SSPN: variants seen among roughly 807,000 people sequenced by gnomAD.
The protein encoded by SSPN is sarcospan.
Under a neutral mutation model 19.1 loss-of-function variants are expected in SSPN, and 15 were observed. That is an observed-to-expected ratio of 0.78 (90% CI 0.52 to 1.21). The LOEUF (loss-of-function observed/expected upper bound fraction) is 1.21, where lower values mean the gene tolerates loss of function less well. Among genes scored for constraint, SSPN ranks in the 50% most tolerant of loss-of-function variants. SSPN has a pLI of 0.00. For missense variants in SSPN, 291 were observed against 314.0 expected (o/e 0.93, Z 0.55); for synonymous variants, 147 against 140.3 (o/e 1.05, Z -0.34).
chr12:26,148,923 C>T (rs577240034), intron 1 of SSPN, among the ~76,000 whole-genome samples: 9 of 152,170 alleles, frequency 5.9e-5, no homozygotes, highest in African/African-American at 9.7e-5. Flanking sequence ...AACCTCCCCA[C>T]GGCACACACA....
At chr12:26,167,090 A>T (rs1366781004) in intron 1 of SSPN, among the ~76,000 whole-genome samples, 1 of 152,218 alleles carries the variant, frequency 6.6e-6, no homozygotes, top group Non-Finnish European at 1.5e-5. Context: ...TGGAAAAATA[A>T]ATCAGAGCAC....
In SSPN at chr12:26,231,508, C is replaced by G. The variant is rs1290922049; in HGVS notation, c.*432C>G. Reference sequence around the variant, plus strand: ...TCTAGTCCTTCCCACCTCCAGTCATCAGCCCCACTCTGTCTTGGAGACAGG... The same window carrying G: ...TCTAGTCCTTCCCACCTCCAGTCATGAGCCCCACTCTGTCTTGGAGACAGG... On this transcript the variant is annotated 3_prime_UTR_variant, in exon 3 of 3. Transcript: ENST00000242729. 1.2e-5 allele frequency: 2 copies of G among 165,000 alleles called. No homozygotes were observed. Among genetic ancestry groups the G allele is most frequent in the Non-Finnish European group, 2.6e-5 (2 of 76,770 alleles). 10.2% of individuals were successfully genotyped at this position (165,000 alleles called of 1,614,324 possible). A position where few individuals can be genotyped will look rare whatever the true frequency, so the allele number is the denominator to read the frequency against.
At chr12:26,198,571 T>C (rs950237248) in intron 1 of SSPN, among the ~76,000 whole-genome samples, 1 of 152,204 alleles carries the variant, frequency 6.6e-6, no homozygotes, top group Non-Finnish European at 1.5e-5. Flanking sequence ...TCACAGGCAG[T>C]GTCACTCTTC....
intron 1 of SSPN, among the ~76,000 whole-genome samples, chr12:26,207,962 C>T (rs561809072): frequency 1.3e-4 from 19 of 150,704 alleles, no homozygotes; most frequent in Admixed American, 6.6e-4. Context: ...ATCGCACCAC[C>T]GCACTTCAGC....
chr12:26,186,303 T>A (rs576166830), intron 1 of SSPN, among the ~76,000 whole-genome samples: 7 of 152,294 alleles, frequency 4.6e-5, no homozygotes, highest in African/African-American at 1.4e-4. Context: ...AACATACCAC[T>A]TAATTTTATG....
At chr12:26,195,556 A>G (rs889363413), upstream of SSPN, 2 of 1,290,286 alleles carry the variant, frequency 1.6e-6, no homozygotes, top group Admixed American at 4.2e-5. Flanking sequence ...AATGTTTTCC[A>G]TATTTGTTCA....
At chr12:26,223,738 A>G (rs1945147395) in intron 1 of SSPN, among the ~76,000 whole-genome samples, 1 of 152,218 alleles carries the variant, frequency 6.6e-6, no homozygotes, top group South Asian at 2.1e-4. Flanking sequence ...GAGGGAATAC[A>G]ATATAAAACA....
chr12:26,188,806 A>T (rs1280187476), intron 1 of SSPN, among the ~76,000 whole-genome samples: 1 of 152,228 alleles, frequency 6.6e-6, no homozygotes, highest in Non-Finnish European at 1.5e-5. Flanking sequence ...ACTTATGGTC[A>T]GGACTCTAGA....
chr12:26,137,823 G>T (rs934259084), intron 1 of SSPN, among the ~76,000 whole-genome samples: 1 of 150,268 alleles, frequency 6.7e-6, no homozygotes, highest in Non-Finnish European at 1.5e-5. Context: ...CCACCACCAC[G>T]CCCGGCTAAT....
At chr12:26,185,541 A>C (rs1469782603) in intron 1 of SSPN, among the ~76,000 whole-genome samples, 1 of 152,186 alleles carries the variant, frequency 6.6e-6, no homozygotes, top group Non-Finnish European at 1.5e-5. Context: ...GCAGGGGAGA[A>C]AAGAAGTGAC....
At chr12:26,175,263 C>T (rs1196961449) in intron 1 of SSPN, among the ~76,000 whole-genome samples, 6 of 152,154 alleles carry the variant, frequency 3.9e-5, no homozygotes, top group East Asian at 1.9e-4. Flanking sequence ...AGTGACACCT[C>T]GTTGTGATTT....
At chr12:26,202,013 C>T (rs1944890100) in intron 1 of SSPN, among the ~76,000 whole-genome samples, 1 of 152,122 alleles carries the variant, frequency 6.6e-6, no homozygotes, top group East Asian at 1.9e-4. Context: ...TTCACAGATA[C>T]TCAAGTCCCT....
intron 1 of SSPN, among the ~76,000 whole-genome samples, chr12:26,176,548 G>GGCTGTGCGTC (rs775414453): frequency 3.3e-5 from 5 of 152,154 alleles, no homozygotes; most frequent in Non-Finnish European, 4.4e-5. Flanking sequence ...GTCAATGGGA[G>GGCTGTGCGTC]GCTGTGCGTC....
At position 26,195,995 on chromosome 12, in the gene SSPN, G is replaced by A. The variant is rs372549043; in HGVS notation, c.279+44G>A. On this transcript the variant is annotated intron_variant, in intron 1 of 2. Coordinates refer to ENST00000242729, the MANE Select transcript of SSPN (RefSeq NM_005086.5). ...TTGCCTAAGCGCGTTTGCCAAACAG[G>A]AATGCGAAGTCGCATGGTCGAGTTG... 7.1e-6 allele frequency: 10 copies of A among 1,408,628 alleles called. No individual in the cohort carries two copies. In the South Asian group the frequency reaches 1.4e-4, roughly 20 times the overall value. 87.3% of individuals were successfully genotyped at this position (1,408,628 alleles called of 1,614,324 possible).
intron 1 of SSPN, among the ~76,000 whole-genome samples, chr12:26,147,332 G>T (rs1180888536): frequency 6.6e-6 from 1 of 150,544 alleles, no homozygotes; most frequent in Non-Finnish European, 1.5e-5. Flanking sequence ...TAGTACAATG[G>T]CATGATCTTG....
chr12:26,222,604 A>G (rs1945133574), intron 1 of SSPN, among the ~76,000 whole-genome samples: 2 of 152,350 alleles, frequency 1.3e-5, no homozygotes, highest in East Asian at 1.9e-4. Flanking sequence ...TGTGCTTATC[A>G]GGAAATGCAA....
chr12:26,170,234 A>G (rs1383923444), intron 1 of SSPN, among the ~76,000 whole-genome samples: 1 of 152,232 alleles, frequency 6.6e-6, no homozygotes, highest in African/African-American at 2.4e-5. Context: ...AGTGTATACA[A>G]TGTGAGTGAA....
intron 1 of SSPN, among the ~76,000 whole-genome samples, chr12:26,206,143 A>G (rs1403214736): frequency 2.0e-5 from 3 of 152,178 alleles, no homozygotes; most frequent in African/African-American, 7.2e-5. Flanking sequence ...CCTCACACAC[A>G]CATCACAAAA....
intron 1 of SSPN, among the ~76,000 whole-genome samples, chr12:26,197,455 A>G (rs1944840069): frequency 6.6e-6 from 1 of 152,224 alleles, no homozygotes; most frequent in Non-Finnish European, 1.5e-5. Flanking sequence ...GGGGGAAAAT[A>G]TGTCTGTCCT....
Sources: allele counts gnomAD v4.1 joint callset (sites outside exome capture counted in the v4.1 genomes callset), GRCh38; gene constraint gnomAD v4.1.1; transcripts MANE v1.5; gene names NCBI Gene and HGNC (gene_info 2026-07-23, HGNC 2026-07-21).